Variants in GNA14 observed in about 807,000 individuals in gnomAD.
GNA14 encodes the protein guanine nucleotide-binding protein subunit alpha-14.
Under a neutral mutation model 42.0 loss-of-function variants are expected in GNA14, and 50 were observed. The ratio of observed to expected loss-of-function variants is 1.19; its 90% CI spans 0.95 to 1.51. The LOEUF is 1.51. Among genes scored for constraint, GNA14 ranks in the 40% most tolerant of loss-of-function variants. The probability of loss-of-function intolerance (pLI) is 0.00; values close to 1 mark genes in which losing one functional copy is unlikely to be tolerated. For synonymous variants in GNA14, 173 were observed against 163.1 expected, an observed-to-expected ratio of 1.06 and a Z score of -0.46; for missense variants, 473 against 446.2, an observed-to-expected ratio of 1.06 and a Z score of -0.54.
In GNA14 at chr9:77,434,316, G is replaced by A. The variant is rs201282559; in HGVS notation, c.464+52C>T. ...CAGCGAGAAACTTCTTTGAAGTGTG[G>A]CCGAGCTTGCCTGAAAGCACCGCGG... On this transcript the variant is annotated intron_variant, in intron 3 of 6. Coordinates refer to ENST00000341700, the MANE Select transcript of GNA14 (RefSeq NM_004297.4). 3,490 of 1,542,222 alleles carry A rather than the reference G, an allele frequency of 2.3e-3. 8 individuals carry two copies. Among genetic ancestry groups the A allele is most frequent in the Non-Finnish European group, 2.6e-3 (2,909 of 1,130,954 alleles).
intron 2 of GNA14, among the ~76,000 whole-genome samples, chr9:77,477,979 T>C (rs150763192): frequency 1.3e-5 from 2 of 149,654 alleles, no homozygotes; most frequent in African/African-American, 4.9e-5. Context: ...CTGATGGGAG[T>C]TTAGAAAGCA....
At chr9:77,486,618 G>A (rs1836664696) in intron 2 of GNA14, among the ~76,000 whole-genome samples, 2 of 152,200 alleles carry the variant, frequency 1.3e-5, no homozygotes, top group Non-Finnish European at 2.9e-5. Context: ...TAAAGTGAGA[G>A]ATGTGTGACT....
At chr9:77,520,708 G>A (rs950460286) in intron 2 of GNA14, among the ~76,000 whole-genome samples, 1 of 152,184 alleles carries the variant, frequency 6.6e-6, no homozygotes, top group Non-Finnish European at 1.5e-5. Flanking sequence ...CAATTTAAAA[G>A]ACTCAGAAAA....
intron 1 of GNA14, among the ~76,000 whole-genome samples, chr9:77,551,459 T>C (rs1205385560): frequency 6.6e-6 from 1 of 151,920 alleles, no homozygotes; most frequent in African/African-American, 2.4e-5. Context: ...ACAAAACTAG[T>C]CAAGGGACTA....
At chr9:77,434,672 A>T (rs1835614860) in intron 2 of GNA14, 150 bp from the exon 3 acceptor site, 1 of 646,002 alleles carries the variant, frequency 1.5e-6, no homozygotes, top group Non-Finnish European at 2.7e-6. Flanking sequence ...GGCCGCTCAC[A>T]GCCAAGACAC....
At chr9:77,573,130 G>A (rs1157376703) in intron 1 of GNA14, among the ~76,000 whole-genome samples, 1 of 152,134 alleles carries the variant, frequency 6.6e-6, no homozygotes, top group Non-Finnish European at 1.5e-5. Flanking sequence ...TTGGGTTGCA[G>A]GAGAGGGGAG....
At chr9:77,569,328 G>A (rs1358597419) in intron 1 of GNA14, among the ~76,000 whole-genome samples, 1 of 152,056 alleles carries the variant, frequency 6.6e-6, no homozygotes, top group African/African-American at 2.4e-5. Flanking sequence ...CAGCAGTATA[G>A]GCAGAGAGAT....
rs911397040 is a variant in GNA14, at chr9:77,540,889, T to A, written c.125-11636A>T. Among the ~76,000 whole-genome samples the A allele has an allele frequency of 2.6e-5, 4 of 152,152 alleles. No homozygotes were observed. The South Asian group carries it at 8.3e-4, about 31-fold the overall frequency. On this transcript the variant is annotated intron_variant, in intron 1 of 6. Transcript: ENST00000341700. ...TTCTTGTAGGCAGCATATAGTTAGATCATGTTCCTTTATTCATTCATCCAA... is the reference window on the plus strand; with the variant it reads ...TTCTTGTAGGCAGCATATAGTTAGAACATGTTCCTTTATTCATTCATCCAA...
intron 1 of GNA14, among the ~76,000 whole-genome samples, chr9:77,603,309 A>G (rs953637412): frequency 6.6e-6 from 1 of 151,948 alleles, no homozygotes; most frequent in Non-Finnish European, 1.5e-5. Context: ...AAACCCCCCA[A>G]CCACACATTT....
chr9:77,636,226 T>C (rs923634346), intron 1 of GNA14, among the ~76,000 whole-genome samples: 1 of 152,184 alleles, frequency 6.6e-6, no homozygotes, highest in Non-Finnish European at 1.5e-5. Context: ...AAGGTCTTAT[T>C]TATGGCAGAT....
At chr9:77,623,216 CAAAAAAAAAAAAAAAAAAAAAAAAAAA>C (rs34368561) in intron 1 of GNA14, among the ~76,000 whole-genome samples, 1 of 26,832 alleles carries the variant, frequency 3.7e-5, no homozygotes, top group Non-Finnish European at 1.3e-4. Flanking sequence ...GACGCTGTCT[CAAAAAAAAAAAAAAAAAAAAAAAAAAA>C]AAAAAAAAAA....
intron 5 of GNA14, among the ~76,000 whole-genome samples, chr9:77,428,166 C>T (rs1835484037): frequency 6.6e-6 from 1 of 150,682 alleles, no homozygotes; most frequent in South Asian, 2.1e-4. Context: ...GCAAGCTCCG[C>T]CTCCCGGGTT....
intron 2 of GNA14, among the ~76,000 whole-genome samples, chr9:77,479,598 A>C (rs749053892): frequency 5.7e-4 from 87 of 152,326 alleles, no homozygotes; most frequent in Non-Finnish European, 1.1e-3. Flanking sequence ...CATTGAATCT[A>C]TAAATTACCT....
At chr9:77,534,394 C>T (rs951441346) in intron 1 of GNA14, among the ~76,000 whole-genome samples, 1 of 152,054 alleles carries the variant, frequency 6.6e-6, no homozygotes, top group Non-Finnish European at 1.5e-5. Flanking sequence ...AAACAGAGGC[C>T]AAAGCAACAT....
At chr9:77,602,774 C>T (rs1007167050) in intron 1 of GNA14, among the ~76,000 whole-genome samples, 2 of 152,150 alleles carry the variant, frequency 1.3e-5, no homozygotes, top group Non-Finnish European at 1.5e-5. Flanking sequence ...TTATCAGGGC[C>T]GGCCTCATGG....
intron 2 of GNA14, among the ~76,000 whole-genome samples, chr9:77,483,264 C>T (rs1479571718): frequency 2.0e-5 from 3 of 152,110 alleles, no homozygotes; most frequent in Admixed American, 6.5e-5. Flanking sequence ...GTTAGTTTTC[C>T]TTCTAACAGA....
chr9:77,520,053 T>C (rs1479690008), intron 2 of GNA14, among the ~76,000 whole-genome samples: 1 of 152,110 alleles, frequency 6.6e-6, no homozygotes, highest in Non-Finnish European at 1.5e-5. Flanking sequence ...TTCACCACTA[T>C]GCAACATAGC....
At chr9:77,476,034 G>A (rs1184282042) in intron 2 of GNA14, among the ~76,000 whole-genome samples, 2 of 152,132 alleles carry the variant, frequency 1.3e-5, no homozygotes, top group Admixed American at 6.5e-5. Context: ...AAATACATGT[G>A]ACTAAGAAAT....
chr9:77,619,507 G>A (rs1427370435), intron 1 of GNA14, among the ~76,000 whole-genome samples: 1 of 152,104 alleles, frequency 6.6e-6, no homozygotes, highest in Admixed American at 6.6e-5. Context: ...GGCCGAATGA[G>A]ATATTTACCA....
Sources: gnomAD v4.1 joint callset for allele counts (sites outside exome capture counted in the v4.1 genomes callset) on GRCh38, gnomAD v4.1.1 for gene constraint, MANE v1.5 for transcripts, NCBI Gene and HGNC (gene_info 2026-07-23, HGNC 2026-07-21) for gene names.